MBP: variants seen among roughly 807,000 people sequenced by gnomAD.
MBP encodes the protein Golli-MBP.
Under a neutral mutation model 35.8 loss-of-function variants are expected in MBP, and 16 were observed. The observed-to-expected ratio is 0.45, with a 90% CI of 0.30 to 0.68. The LOEUF (loss-of-function observed/expected upper bound fraction) is 0.68. MBP is among the 30% of genes least tolerant of loss of function. The pLI is 0.08. For synonymous variants in MBP, 143 were observed against 159.6 expected, an observed-to-expected ratio of 0.90 and a Z score of 0.78; for missense variants, 380 against 404.7, an observed-to-expected ratio of 0.94 and a Z score of 0.52.
intron 3 of MBP, among the ~76,000 whole-genome samples, chr18:77,019,455 C>A (rs1971897119): frequency 6.9e-6 from 1 of 145,906 alleles, no homozygotes; most frequent in African/African-American, 2.6e-5. Flanking sequence ...GGGGCATCTA[C>A]AAACCTCAGA....
At chr18:77,107,497 A>G (rs1976317291) in intron 1 of MBP, among the ~76,000 whole-genome samples, 1 of 152,212 alleles carries the variant, frequency 6.6e-6, no homozygotes, top group African/African-American at 2.4e-5. Context: ...CAAAGCTCCA[A>G]GGACTTGTCC....
Position 77,132,267 on chromosome 18 carries a change from AACCCGCGTCTAC to A in MBP, c.-26+301_-26+312del, listed in dbSNP as rs570685520. 3.0e-3 allele frequency among the ~76,000 whole-genome samples: 457 copies of A among 151,662 alleles called. 3 individuals are homozygous for A. The highest frequency in any genetic ancestry group is 9.9e-3 in the African/African-American group (410 of 41,368). Reference sequence around the variant, plus strand: ...GTCAGGGTCGGGCCCCGGCGCTGTAAACCCGCGTCTACACCCGCGCCCAGCCCCCGCGCAATG... The same window carrying A: ...GTCAGGGTCGGGCCCCGGCGCTGTAAACCCGCGCCCAGCCCCCGCGCAATG... On this transcript the variant is annotated intron_variant, in intron 1 of 8. Coordinates refer to ENST00000355994, the MANE Select transcript of MBP (RefSeq NM_001025101.2).
At chr18:76,980,715 T>A (rs902680479) in intron 8 of MBP, 1 of 538,684 alleles carries the variant, frequency 1.9e-6, no homozygotes. Flanking sequence ...CCCCAGGGAG[T>A]GGTGCCTGGC....
chr18:77,125,814 T>G (rs1203725175), intron 1 of MBP, among the ~76,000 whole-genome samples: 2 of 151,826 alleles, frequency 1.3e-5, no homozygotes, highest in Non-Finnish European at 2.9e-5. Flanking sequence ...GAGAGGGAAT[T>G]CATACCCTGA....
At chr18:77,064,061 T>C (rs944479911) in intron 3 of MBP, among the ~76,000 whole-genome samples, 1 of 152,252 alleles carries the variant, frequency 6.6e-6, no homozygotes, top group Admixed American at 6.5e-5. Context: ...TAGAACTCAC[T>C]TTTATTTATG....
At chr18:77,003,070 G>A (rs756718965) in intron 4 of MBP, 1 of 152,222 alleles carries the variant, frequency 6.6e-6, no homozygotes, top group Non-Finnish European at 1.5e-5. Flanking sequence ...AGTAAACACT[G>A]ATGGATACAA....
At chr18:77,009,409 T>C (rs867526940) in intron 4 of MBP, among the ~76,000 whole-genome samples, 2 of 152,216 alleles carry the variant, frequency 1.3e-5, no homozygotes, top group East Asian at 1.9e-4. Flanking sequence ...ATTCAACCCA[T>C]GTTTAGTGAG....
At chr18:76,985,055 G>A (rs758044945) in intron 7 of MBP, 161 bp from the exon 8 acceptor site, 17 of 1,487,930 alleles carry the variant, frequency 1.1e-5, no homozygotes, top group Non-Finnish European at 1.5e-5. Flanking sequence ...TGAGGGGGTG[G>A]GGGCGGGAGA....
intron 4 of MBP, chr18:77,003,023 G>A (rs1424013559): frequency 6.6e-6 from 1 of 152,196 alleles, no homozygotes; most frequent in African/African-American, 2.4e-5. Context: ...AGCTTCAATT[G>A]CTGCTGTTTA....
chr18:77,092,256 A>C (rs1026126487), intron 2 of MBP, among the ~76,000 whole-genome samples: 6 of 152,226 alleles, frequency 3.9e-5, no homozygotes, highest in Non-Finnish European at 7.3e-5. Flanking sequence ...CAGACTGGTG[A>C]CTAGAAGCAG....
intron 1 of MBP, among the ~76,000 whole-genome samples, chr18:77,106,383 T>G (rs550402922): frequency 6.6e-6 from 1 of 152,164 alleles, no homozygotes; most frequent in Non-Finnish European, 1.5e-5. Flanking sequence ...GACACTTTTC[T>G]GCAGGCGGGC....
chr18:76,986,653 T>G, intron 7 of MBP: 1 of 985,550 alleles, frequency 1.0e-6, no homozygotes. Context: ...GCCTCGCTCT[T>G]GCGTCCTAGA....
chr18:77,090,722 C>T (rs117031822), intron 2 of MBP, among the ~76,000 whole-genome samples: 7,691 of 152,284 alleles, frequency 0.051, 258 homozygotes, highest in Middle Eastern at 0.13. Context: ...TTCCTGACCC[C>T]GGGATGGTGA....
rs749794232 is a variant in MBP, at chr18:77,083,213, C to T, written c.52-16828G>A. 3.3e-5 allele frequency among the ~76,000 whole-genome samples: 5 copies of T among 152,240 alleles called. No individual in the cohort carries two copies. In the South Asian group the frequency reaches 6.2e-4, roughly 19 times the overall value. ...AACTCCTGACCTCAAGTGATCTGCC[C>T]GCCTTGGCCTCCCAATGTGCTGGGC... On this transcript the variant is annotated intron_variant, in intron 2 of 8. Coordinates refer to ENST00000355994, the MANE Select transcript of MBP (RefSeq NM_001025101.2).
chr18:77,063,405 T>C (rs1974064955), intron 3 of MBP, among the ~76,000 whole-genome samples: 1 of 152,120 alleles, frequency 6.6e-6, no homozygotes, highest in East Asian at 1.9e-4. Context: ...CTAGGGTGGA[T>C]GAAATGAGGA....
At chr18:77,037,042 G>T (rs1972803342) in intron 3 of MBP, among the ~76,000 whole-genome samples, 1 of 146,042 alleles carries the variant, frequency 6.8e-6, no homozygotes, top group Non-Finnish European at 1.5e-5. Flanking sequence ...AGCTGAGTAA[G>T]TGCTGGTCAC....
rs527707950 is a variant in MBP, at chr18:77,101,044, GC to G, written c.51+4166del. Among the ~76,000 whole-genome samples, 334 of 152,330 alleles carry G rather than the reference GC, an allele frequency of 2.2e-3. 3 individuals are homozygous for G. Among genetic ancestry groups the G allele is most frequent in the South Asian group, 0.015 (74 of 4,824 alleles). ...TGACCCTCCCAAAGGTAACTGCCCA[GC>G]CCCTTTGATTCACACTGCCAAAAAG... On this transcript the variant is annotated intron_variant, in intron 2 of 8. Transcript: ENST00000355994. The surrounding 1 kb of genome is among the most constrained non-coding windows in gnomAD (Gnocchi z 4.3).
chr18:76,991,582 G>A (rs562059074), intron 4 of MBP, among the ~76,000 whole-genome samples: 29 of 152,280 alleles, frequency 1.9e-4, no homozygotes, highest in African/African-American at 6.7e-4. Context: ...AAGGGACTCG[G>A]GGGAGCTTGC....
intron 4 of MBP, among the ~76,000 whole-genome samples, chr18:77,007,172 T>C (rs965463231): frequency 6.6e-6 from 1 of 152,200 alleles, no homozygotes; most frequent in African/African-American, 2.4e-5. Flanking sequence ...TAAAACCATT[T>C]AGTGCCTCCG....
Sources: gnomAD v4.1 joint callset for allele counts (sites outside exome capture counted in the v4.1 genomes callset) on GRCh38, gnomAD v4.1.1 for gene constraint, Gnocchi (gnomAD v3.1) non-coding constraint, MANE v1.5 for transcripts, NCBI Gene and HGNC (gene_info 2026-07-23, HGNC 2026-07-21) for gene names.